FARS2: variants seen among roughly 807,000 people sequenced by gnomAD.
FARS2 encodes phenylalanyl-tRNA synthetase 2, mitochondrial.
Under a neutral mutation model 46.4 loss-of-function variants are expected in FARS2, and 40 were observed. The observed-to-expected ratio is 0.86, with a 90% confidence interval of 0.67 to 1.12. FARS2 has a LOEUF of 1.12. Ranked by LOEUF, FARS2 falls within the 50% of genes most tolerant of loss-of-function variation. The pLI is 0.00. For missense variants in FARS2, 513 were observed against 567.9 expected, an observed-to-expected ratio of 0.90 and a Z score of 0.98; for synonymous variants, 234 against 214.9, an observed-to-expected ratio of 1.09 and a Z score of -0.78.
intron 4 of FARS2, among the ~76,000 whole-genome samples, chr6:5,444,265 G>A (rs537080245): frequency 3.3e-5 from 5 of 152,066 alleles, no homozygotes; most frequent in East Asian, 3.9e-4. Flanking sequence ...TCAGGAGTTC[G>A]CGACCAGCCT....
chr6:5,451,776 A>G (rs1213815045), intron 4 of FARS2: 5 of 152,232 alleles, frequency 3.3e-5, no homozygotes, highest in Non-Finnish European at 5.9e-5. Flanking sequence ...AAGAGATGGA[A>G]AGGTAACAAT....
chr6:5,665,580 C>G (rs942451726), intron 6 of FARS2: 4 of 152,076 alleles, frequency 2.6e-5, no homozygotes, highest in Non-Finnish European at 5.9e-5. Flanking sequence ...TATTTATTTC[C>G]CCCCTCAGAT....
At chr6:5,291,226 G>A (rs191624857) in intron 1 of FARS2, 1 of 152,328 alleles carries the variant, frequency 6.6e-6, no homozygotes, top group African/African-American at 2.4e-5. Context: ...ATTCAGTCTT[G>A]TTGACATGAT....
chr6:5,326,629 C>T (rs902073376), intron 1 of FARS2, among the ~76,000 whole-genome samples: 1 of 152,222 alleles, frequency 6.6e-6, no homozygotes, highest in African/African-American at 2.4e-5. Flanking sequence ...GTTCCAGGAG[C>T]AGCAGCCTTC....
chr6:5,700,675 C>T lies in FARS2; in HGVS notation c.1218-70616C>T, dbSNP rs115489140. 4.3e-3 allele frequency among the ~76,000 whole-genome samples: 662 copies of T among 152,280 alleles called. 6 individuals carry two copies. Among genetic ancestry groups the T allele is most frequent in the African/African-American group, 0.015 (630 of 41,560 alleles). On this transcript the variant is annotated intron_variant, in intron 6 of 6. Coordinates refer to ENST00000274680, the MANE Select transcript of FARS2 (RefSeq NM_006567.5). ...CCTCCCAAAGTGCTGGGATTACAGG[C>T]GTGGCCACAACTGCTTTTCATTACT...
intron 4 of FARS2, among the ~76,000 whole-genome samples, chr6:5,472,737 T>TAGC (rs1247043052): frequency 6.6e-6 from 1 of 152,160 alleles, no homozygotes; most frequent in Non-Finnish European, 1.5e-5. Context: ...GCACCAGACA[T>TAGC]AGCATGTCAT....
intron 6 of FARS2, among the ~76,000 whole-genome samples, chr6:5,753,113 A>G (rs1762038083): frequency 6.6e-6 from 1 of 152,124 alleles, no homozygotes; most frequent in Non-Finnish European, 1.5e-5. Flanking sequence ...AGGCACCTAA[A>G]ATCCCTTCGT....
intron 6 of FARS2, among the ~76,000 whole-genome samples, chr6:5,754,355 C>G (rs1762102591): frequency 6.6e-6 from 1 of 152,220 alleles, no homozygotes; most frequent in Non-Finnish European, 1.5e-5. Context: ...ACGGCCAGGA[C>G]AGGAGATCAG....
At chr6:5,424,557 T>G (rs1762742407) in intron 3 of FARS2, among the ~76,000 whole-genome samples, 1 of 152,212 alleles carries the variant, frequency 6.6e-6, no homozygotes, top group Non-Finnish European at 1.5e-5. Context: ...ACTATGCTGC[T>G]TGTTATATAA....
chr6:5,362,003 GCT>G (rs756119437), intron 1 of FARS2, among the ~76,000 whole-genome samples: 71 of 152,260 alleles, frequency 4.7e-4, no homozygotes, highest in Non-Finnish European at 8.1e-4. Context: ...GCCAAAGAAT[GCT>G]TACAGCATTC....
At chr6:5,739,667 T>A (rs1258807091) in intron 6 of FARS2, among the ~76,000 whole-genome samples, 1 of 152,048 alleles carries the variant, frequency 6.6e-6, no homozygotes, top group Non-Finnish European at 1.5e-5. Context: ...AATTCTGGAG[T>A]GTTAGAAAAT....
intron 2 of FARS2, among the ~76,000 whole-genome samples, chr6:5,383,484 A>G (rs1030935373): frequency 6.6e-6 from 1 of 152,192 alleles, no homozygotes; most frequent in African/African-American, 2.4e-5. Context: ...TGGCTGTGCA[A>G]CTCAGCCTCT....
At chr6:5,707,626 G>A (rs1375459104) in intron 6 of FARS2, among the ~76,000 whole-genome samples, 6 of 152,246 alleles carry the variant, frequency 3.9e-5, no homozygotes, top group African/African-American at 1.4e-4. Flanking sequence ...ATCCTTGTGA[G>A]TGGAGCATGA....
intron 6 of FARS2, among the ~76,000 whole-genome samples, chr6:5,690,513 T>C (rs2150860582): frequency 6.6e-6 from 1 of 151,620 alleles, no homozygotes; most frequent in Non-Finnish European, 1.5e-5. Context: ...TTTAAGAATG[T>C]TGAATATTGG....
chr6:5,609,965 C>T lies in FARS2; in HGVS notation c.1066-3204C>T. The T allele has an allele frequency of 6.3e-6, 8 of 1,265,892 alleles. No individual in the cohort carries two copies. The South Asian group carries it at 9.5e-5, about 15-fold the overall frequency. The allele number at this position is 1,265,892 out of a possible 1,614,324, so 78.4% of individuals were successfully genotyped here. The stretch of plus-strand genomic sequence containing the variant: ...TTTGGTTCCACAACTCTTCCATCCA[C>T]CTTGTGTGGCCTTGCATTCGTGGCT... On this transcript the variant is annotated intron_variant, in intron 5 of 6. Transcript: ENST00000274680.
chr6:5,673,170 A>G (rs1010141548), intron 6 of FARS2, among the ~76,000 whole-genome samples: 1 of 152,228 alleles, frequency 6.6e-6, no homozygotes, highest in Non-Finnish European at 1.5e-5. Context: ...TTGGGGAAGC[A>G]CAAACCAATT....
At chr6:5,298,496 CTCTGATTTGGAAGG>C (rs1768055907) in intron 1 of FARS2, among the ~76,000 whole-genome samples, 1 of 152,172 alleles carries the variant, frequency 6.6e-6, no homozygotes, top group African/African-American at 2.4e-5. Flanking sequence ...CAAAGAGGAA[CTCTGATTTGGAAGG>C]TATCTTTAGA....
At chr6:5,372,252 T>C (rs1759107640) in intron 2 of FARS2, among the ~76,000 whole-genome samples, 2 of 152,174 alleles carry the variant, frequency 1.3e-5, no homozygotes, top group South Asian at 2.1e-4. Context: ...AGTTAAAATG[T>C]GTAAAGATAC....
chr6:5,321,931 C>T (rs941106226), intron 1 of FARS2, among the ~76,000 whole-genome samples: 2 of 152,192 alleles, frequency 1.3e-5, no homozygotes, highest in African/African-American at 4.8e-5. Context: ...TGTGGTGGGA[C>T]ATAAGTTATG....
Sources: allele counts gnomAD v4.1 joint callset (sites outside exome capture counted in the v4.1 genomes callset), GRCh38; gene constraint gnomAD v4.1.1; transcripts MANE v1.5; gene names NCBI Gene and HGNC (gene_info 2026-07-23, HGNC 2026-07-21).